The following RARB variants were observed in gnomAD, a reference collection of about 807,000 sequenced individuals.
RARB encodes the protein retinoic acid receptor beta.
In RARB, 17 loss-of-function variants were observed where a neutral mutation model predicts 51.9. That is an observed-to-expected ratio of 0.33 (90% confidence interval 0.22 to 0.49). The LOEUF (loss-of-function observed/expected upper bound fraction) is 0.49, where lower values mean the gene tolerates loss of function less well. RARB is among the 20% of genes least tolerant of loss of function. The probability of loss-of-function intolerance (pLI) is 0.99; values close to 1 mark genes in which losing one functional copy is unlikely to be tolerated. For missense variants in RARB, 369 were observed against 550.8 expected, an observed-to-expected ratio of 0.67 and a Z score of 3.30; for synonymous variants, 215 against 195.4, an observed-to-expected ratio of 1.10 and a Z score of -0.84.
At chr3:25,293,119 G>A (rs1162105278) in intron 5 of RARB, among the ~76,000 whole-genome samples, 1 of 152,108 alleles carries the variant, frequency 6.6e-6, no homozygotes, top group East Asian at 1.9e-4. Context: ...CACGCAACCA[G>A]ATCAGACACG....
chr3:24,985,853 A>C (rs1696782433), intron 2 of RARB, among the ~76,000 whole-genome samples: 1 of 152,252 alleles, frequency 6.6e-6, no homozygotes, highest in African/African-American at 2.4e-5. Context: ...ATGAGCCTCC[A>C]CGCATGTCAG....
At chr3:25,374,480 G>C (rs1221355952) in intron 5 of RARB, among the ~76,000 whole-genome samples, 1 of 152,084 alleles carries the variant, frequency 6.6e-6, no homozygotes, top group African/African-American at 2.4e-5. Context: ...GAAGGGTGAA[G>C]GGAACAGTTA....
At chr3:24,921,656 C>T (rs539882046) in intron 2 of RARB, among the ~76,000 whole-genome samples, 34 of 152,078 alleles carry the variant, frequency 2.2e-4, no homozygotes, top group African/African-American at 7.2e-4. Context: ...ACTCTCTTCC[C>T]GCATAGTCTA....
intron 2 of RARB, among the ~76,000 whole-genome samples, chr3:25,490,877 C>A (rs773424116): frequency 1.9e-4 from 29 of 152,108 alleles, no homozygotes; most frequent in Non-Finnish European, 3.1e-4. Context: ...GGTTCAAATT[C>A]TCAGAACCAG....
At chr3:25,483,274 T>C (rs534546051) in intron 2 of RARB, among the ~76,000 whole-genome samples, 1 of 152,348 alleles carries the variant, frequency 6.6e-6, no homozygotes, top group South Asian at 2.1e-4. Context: ...ATTTTGCTAA[T>C]TGGTAGAAAT....
intron 5 of RARB, chr3:25,259,137 A>G (rs560622024): frequency 4.3e-4 from 393 of 907,610 alleles, no homozygotes; most frequent in Non-Finnish European, 4.9e-4. Context: ...CTCAAGAAAC[A>G]CTATTTAATA....
chr3:25,139,448 C>G (rs1348409519), intron 4 of RARB, among the ~76,000 whole-genome samples: 1 of 152,126 alleles, frequency 6.6e-6, no homozygotes, highest in Non-Finnish European at 1.5e-5. Context: ...GAAGATCAAA[C>G]CAGTCACAAC....
At chr3:25,264,571 A>G (rs1414080835) in intron 5 of RARB, among the ~76,000 whole-genome samples, 1 of 152,190 alleles carries the variant, frequency 6.6e-6, no homozygotes, top group Non-Finnish European at 1.5e-5. Context: ...TATTTTCAGT[A>G]CAATTTTATA....
chr3:25,462,309 G>C (rs1349495256), intron 2 of RARB: 4 of 152,122 alleles, frequency 2.6e-5, no homozygotes, highest in South Asian at 2.1e-4. Context: ...TTTTTTTCAG[G>C]AAAGAAAAGA....
At chr3:25,384,645 C>T (rs1008540608) in intron 5 of RARB, among the ~76,000 whole-genome samples, 1 of 152,208 alleles carries the variant, frequency 6.6e-6, no homozygotes, top group Non-Finnish European at 1.5e-5. Context: ...ATCCTCCTCA[C>T]CTGAGAACAT....
intron 2 of RARB, among the ~76,000 whole-genome samples, chr3:24,996,433 A>T (rs1405853437): frequency 6.6e-6 from 1 of 151,236 alleles, no homozygotes; most frequent in Non-Finnish European, 1.5e-5. Flanking sequence ...GATCCTTTGG[A>T]TTGCTTTTCT....
intron 5 of RARB, among the ~76,000 whole-genome samples, chr3:25,409,905 T>C (rs1162560914): frequency 6.6e-6 from 1 of 152,266 alleles, no homozygotes; most frequent in East Asian, 1.9e-4. Context: ...TATCAGGGAG[T>C]TGTAGAAACA....
At chr3:25,310,355 T>A (rs2125433192) in intron 5 of RARB, among the ~76,000 whole-genome samples, 1 of 152,336 alleles carries the variant, frequency 6.6e-6, no homozygotes, top group East Asian at 1.9e-4. Context: ...TGACTGACAG[T>A]CAGATTTCCT....
At chr3:25,526,707 G>A (rs1001411331) in intron 3 of RARB, among the ~76,000 whole-genome samples, 8 of 152,132 alleles carry the variant, frequency 5.3e-5, no homozygotes, top group African/African-American at 1.9e-4. Flanking sequence ...TGAATGAATG[G>A]CTGGTTACTA....
rs186173940 is a variant in RARB, at chr3:24,986,392, T to G, written c.-379-73733T>G. ...GTATCAGGCAGACATAGATTAAAGA[T>G]CTGGAAGATAAAAATTATTTTAGAA... On this transcript the variant is annotated intron_variant, in intron 2 of 11. Coordinates refer to the RARB transcript ENST00000383772. 7.9e-5 allele frequency among the ~76,000 whole-genome samples: 12 copies of G among 152,338 alleles called. No individual in the cohort carries two copies. The East Asian group carries it at 2.3e-3, about 29-fold the overall frequency.
chr3:25,231,261 C>A (rs1702169210), intron 5 of RARB, among the ~76,000 whole-genome samples: 1 of 152,136 alleles, frequency 6.6e-6, no homozygotes, highest in South Asian at 2.1e-4. Flanking sequence ...CAGGGTCCAG[C>A]AAAGCAATGC....
intron 3 of RARB, among the ~76,000 whole-genome samples, chr3:25,100,700 A>G (rs1006272974): frequency 2.0e-5 from 3 of 152,198 alleles, no homozygotes; most frequent in African/African-American, 7.2e-5. Flanking sequence ...GCAAGTGGGA[A>G]GGCTCCACAG....
intron 5 of RARB, among the ~76,000 whole-genome samples, chr3:25,219,746 A>T (rs1447123704): frequency 6.6e-6 from 1 of 152,196 alleles, no homozygotes; most frequent in African/African-American, 2.4e-5. Context: ...GGCTTCAGGA[A>T]GTCCCGTTAG....
chr3:25,525,566 C>T (rs1021410802), intron 3 of RARB, among the ~76,000 whole-genome samples: 1 of 152,104 alleles, frequency 6.6e-6, no homozygotes, highest in Non-Finnish European at 1.5e-5. Context: ...TTTCAACAAC[C>T]AGTATTTATT....
Sources: gnomAD v4.1 joint callset for allele counts (sites outside exome capture counted in the v4.1 genomes callset) on GRCh38, gnomAD v4.1.1 for gene constraint, MANE v1.5 for transcripts, NCBI Gene and HGNC (gene_info 2026-07-23, HGNC 2026-07-21) for gene names.